FRMPD4: variants seen among roughly 807,000 people sequenced by gnomAD.
FRMPD4 encodes FERM and PDZ domain containing 4.
Under a neutral mutation model 94.1 loss-of-function variants are expected in FRMPD4, and 22 were observed. The ratio of observed to expected loss-of-function variants is 0.23; its 90% CI spans 0.17 to 0.33. The LOEUF (loss-of-function observed/expected upper bound fraction) is 0.33. FRMPD4 is among the 10% of genes least tolerant of loss of function. The probability of loss-of-function intolerance (pLI) is 1.00; values close to 1 mark genes in which losing one functional copy is unlikely to be tolerated. For synonymous variants in FRMPD4, 631 were observed against 548.6 expected (o/e 1.15, Z -2.10); for missense variants, 1,111 against 1,339.9 (o/e 0.83, Z 2.67).
intron 3 of FRMPD4, among the ~76,000 whole-genome samples, chrX:12,086,391 A>G (rs2055111093): frequency 8.9e-6 from 1 of 112,205 alleles, no homozygotes; most frequent in Admixed American, 9.5e-5. Flanking sequence ...TATAGCAACT[A>G]ATAACTCAAA....
chrX:12,164,726 C>T (rs1316250544), intron 1 of FRMPD4, among the ~76,000 whole-genome samples: 4 of 111,979 alleles, frequency 3.6e-5, no homozygotes, highest in African/African-American at 1.3e-4. Flanking sequence ...CCTGACTTTT[C>T]AATGATTGCC....
intron 1 of FRMPD4, among the ~76,000 whole-genome samples, chrX:11,854,966 G>T (rs949624139): frequency 1.8e-5 from 2 of 112,038 alleles, no homozygotes; most frequent in African/African-American, 6.5e-5. Flanking sequence ...CCTAGCAGAG[G>T]TTCTCCATGA....
intron 1 of FRMPD4, among the ~76,000 whole-genome samples, chrX:12,321,174 C>T (rs1335378299): frequency 1.8e-5 from 2 of 112,185 alleles, no homozygotes; most frequent in African/African-American, 6.5e-5. Flanking sequence ...CAAATGTATC[C>T]AGCAATGTAT....
intron 2 of FRMPD4, among the ~76,000 whole-genome samples, chrX:12,508,530 A>G (rs1261226650): frequency 8.9e-6 from 1 of 112,161 alleles, no homozygotes; most frequent in Non-Finnish European, 1.9e-5. Context: ...TATTTGTTGA[A>G]TAGATGTTTA....
intron 3 of FRMPD4, among the ~76,000 whole-genome samples, chrX:11,953,909 G>A (rs1414424762): frequency 8.9e-6 from 1 of 111,807 alleles, no homozygotes; most frequent in East Asian, 2.8e-4. Context: ...TAAACAAAGG[G>A]GTTATTCACA....
chrX:12,245,087 C>T (rs2053935580), intron 1 of FRMPD4, among the ~76,000 whole-genome samples: 1 of 112,553 alleles, frequency 8.9e-6, no homozygotes, highest in Non-Finnish European at 1.9e-5. Context: ...GGAACTTTTA[C>T]ATAATTGGAT....
intron 3 of FRMPD4, among the ~76,000 whole-genome samples, chrX:12,053,366 GAAAGAAA>G (rs2054831135): frequency 2.9e-5 from 1 of 34,230 alleles, no homozygotes; most frequent in Non-Finnish European, 5.7e-5. Context: ...AAAGAAGAAA[GAAAGAAA>G]GAAAGAAAGA....
Position 12,711,346 on chromosome X carries a change from G to A in FRMPD4, c.1609+809G>A, listed in dbSNP as rs371568796. On this transcript the variant is annotated intron_variant, in intron 14 of 16. Transcript: ENST00000675598. Reference sequence around the variant, plus strand: ...TGGTTATTGCCTAGCACTCGGACTTGGGAACACTAGAAGAAAATTCTTCCA... The same window carrying A: ...TGGTTATTGCCTAGCACTCGGACTTAGGAACACTAGAAGAAAATTCTTCCA... 4.5e-5 allele frequency among the ~76,000 whole-genome samples: 5 copies of A among 111,579 alleles called. No individual in the cohort carries two copies. In the East Asian group the frequency reaches 1.1e-3, roughly 25 times the overall value.
chrX:12,408,173 C>T (rs981648258), intron 1 of FRMPD4, among the ~76,000 whole-genome samples: 3 of 105,769 alleles, frequency 2.8e-5, no homozygotes, highest in African/African-American at 1.0e-4. Flanking sequence ...AAGGGTGATT[C>T]GGAAGGGATA....
At chrX:11,910,173 T>A (rs1191792986) in intron 3 of FRMPD4, among the ~76,000 whole-genome samples, 1 of 111,659 alleles carries the variant, frequency 9.0e-6, no homozygotes, top group Non-Finnish European at 1.9e-5. Flanking sequence ...ATGTGAGACT[T>A]CTCCACTCAC....
At chrX:12,315,371 G>A (rs757344322) in intron 1 of FRMPD4, among the ~76,000 whole-genome samples, 28 of 112,225 alleles carry the variant, frequency 2.5e-4, no homozygotes, top group Non-Finnish European at 4.9e-4. Flanking sequence ...TGAGATTAGT[G>A]TAGTAATAAT....
At chrX:12,370,846 C>T (rs1042626235) in intron 1 of FRMPD4, among the ~76,000 whole-genome samples, 15 of 111,992 alleles carry the variant, frequency 1.3e-4, no homozygotes, top group African/African-American at 4.9e-4. Flanking sequence ...GGGACTTTAT[C>T]ATTAAGAATA....
At chrX:12,417,993 C>CAA (rs757060426) in intron 1 of FRMPD4, among the ~76,000 whole-genome samples, 1,333 of 33,889 alleles carry the variant, frequency 0.039, 71 homozygotes, top group African/African-American at 0.12. Context: ...GACTCTGTCT[C>CAA]AAAAAAAAAA....
intron 3 of FRMPD4, among the ~76,000 whole-genome samples, chrX:12,010,300 T>C (rs772345127): frequency 3.6e-5 from 4 of 112,367 alleles, no homozygotes; most frequent in East Asian, 2.8e-4. Context: ...AAATAGAAGA[T>C]TGATATACAC....
At chrX:12,302,207 C>A (rs1237292264) in intron 1 of FRMPD4, among the ~76,000 whole-genome samples, 1 of 111,716 alleles carries the variant, frequency 9.0e-6, no homozygotes, top group Non-Finnish European at 1.9e-5. Flanking sequence ...GGGCTGGTTT[C>A]CTTACATGTA....
At chrX:12,259,707 C>T (rs1227278728) in intron 1 of FRMPD4, among the ~76,000 whole-genome samples, 1 of 111,674 alleles carries the variant, frequency 9.0e-6, no homozygotes, top group African/African-American at 3.3e-5. Flanking sequence ...GCACGCTGAA[C>T]AGCAAAGAAA....
chrX:12,565,883 T>G (rs2058706819), intron 2 of FRMPD4, among the ~76,000 whole-genome samples: 1 of 112,059 alleles, frequency 8.9e-6, no homozygotes, highest in African/African-American at 3.2e-5. Flanking sequence ...TGTACAAATC[T>G]AAATTTTCCA....
chrX:12,105,880 A>G (rs2055292926), intron 3 of FRMPD4, among the ~76,000 whole-genome samples: 1 of 111,927 alleles, frequency 8.9e-6, no homozygotes, highest in Non-Finnish European at 1.9e-5. Context: ...CTACTCCATT[A>G]TTTGCATCAT....
At chrX:12,716,001 T>TGGGGGCCCCCCCCC in intron 14 of FRMPD4, 68 bp from the exon 15 acceptor site, 1 of 231,656 alleles carries the variant, frequency 4.3e-6, no homozygotes, top group Non-Finnish European at 8.2e-6. Context: ...GAGACGAGCC[T>TGGGGGCCCCCCCCC]CCCACCCCCG....
Sources: gnomAD v4.1 joint callset for allele counts (sites outside exome capture counted in the v4.1 genomes callset) on GRCh38, gnomAD v4.1.1 for gene constraint, MANE v1.5 for transcripts, NCBI Gene and HGNC (gene_info 2026-07-23, HGNC 2026-07-21) for gene names.